TNFSF4: variants seen among roughly 807,000 people sequenced by gnomAD.
TNFSF4 encodes tumor necrosis factor ligand superfamily member 4.
In TNFSF4, 4 loss-of-function variants were observed where a neutral mutation model predicts 7.3. The observed-to-expected ratio is 0.55, with a 90% CI of 0.27 to 1.25. TNFSF4 has a LOEUF of 1.25. Ranked by LOEUF, TNFSF4 falls within the 50% of genes most tolerant of loss-of-function variation. The pLI is 0.12. For missense variants in TNFSF4, 181 were observed against 208.8 expected (o/e 0.87, Z 0.82); for synonymous variants, 76 against 83.7 (o/e 0.91, Z 0.50).
chr1:173,248,099 T>A, the TNFSF4 span, among the ~76,000 whole-genome samples: 1 of 152,094 alleles, frequency 6.6e-6, no homozygotes, highest in Non-Finnish European at 1.5e-5. Flanking sequence ...CTCGCACCTG[T>A]AATCCCAGCA....
At chr1:173,205,191 C>A (rs965153097) in intron 1 of TNFSF4, 5 of 1,210,094 alleles carry the variant, frequency 4.1e-6, no homozygotes, top group Non-Finnish European at 4.6e-6. Context: ...AAAAAGAAAT[C>A]TATTTTCAGA....
downstream of TNFSF4, among the ~76,000 whole-genome samples, chr1:173,183,079 C>T (rs1351450952): frequency 1.3e-5 from 2 of 152,140 alleles, no homozygotes; most frequent in Non-Finnish European, 1.5e-5. Context: ...ACAGATGAAA[C>T]ACAGACATAG....
At chr1:173,303,461 C>T in the TNFSF4 span, among the ~76,000 whole-genome samples, 1 of 151,776 alleles carries the variant, frequency 6.6e-6, no homozygotes, top group Non-Finnish European at 1.5e-5. Flanking sequence ...CTGCTCTTTC[C>T]GTAGTTAGAA....
chr1:173,299,625 C>T, the TNFSF4 span, among the ~76,000 whole-genome samples: 100 of 151,842 alleles, frequency 6.6e-4, no homozygotes, highest in Non-Finnish European at 1.2e-3. Context: ...CTCATAAGTG[C>T]TTTTTGTATT....
intron 1 of TNFSF4, among the ~76,000 whole-genome samples, chr1:173,192,009 T>A (rs1313421051): frequency 6.6e-6 from 1 of 152,158 alleles, no homozygotes; most frequent in African/African-American, 2.4e-5. Context: ...AAAGCCTGTC[T>A]CTACAAAAAA....
the TNFSF4 span, among the ~76,000 whole-genome samples, chr1:173,318,570 C>T: frequency 2.0e-5 from 3 of 152,102 alleles, no homozygotes; most frequent in Admixed American, 2.0e-4. Context: ...ATTTCAACCT[C>T]ATCAATATTT....
At chr1:173,254,355 G>GA in the TNFSF4 span, among the ~76,000 whole-genome samples, 2 of 151,964 alleles carry the variant, frequency 1.3e-5, no homozygotes, top group African/African-American at 2.4e-5. Context: ...AAATAGTAGG[G>GA]AAAAAAATGG....
chr1:173,409,237 C>T, the TNFSF4 span, among the ~76,000 whole-genome samples: 1 of 152,166 alleles, frequency 6.6e-6, no homozygotes. Context: ...GACTGAGGAA[C>T]TCCCCTACTC....
chr1:173,286,946 A>T, the TNFSF4 span, among the ~76,000 whole-genome samples: 1 of 152,128 alleles, frequency 6.6e-6, no homozygotes, highest in Admixed American at 6.5e-5. Context: ...GTCATTTAAT[A>T]AAAAAAGACA....
chr1:173,252,253 TAA>T, the TNFSF4 span, among the ~76,000 whole-genome samples: 3 of 152,010 alleles, frequency 2.0e-5, no homozygotes, highest in Admixed American at 6.6e-5. Flanking sequence ...AGGGAAAAAA[TAA>T]AGTCTTCCAG....
At chr1:173,431,177 CTT>C in the TNFSF4 span, among the ~76,000 whole-genome samples, 1 of 152,114 alleles carries the variant, frequency 6.6e-6, no homozygotes, top group African/African-American at 2.4e-5. Flanking sequence ...CTGTAGTTGT[CTT>C]TGGTTTTCTT....
the TNFSF4 span, chr1:173,363,122 T>TAAA: frequency 2.9e-6 from 1 of 340,340 alleles, no homozygotes; most frequent in Non-Finnish European, 5.9e-6. Flanking sequence ...TACCAACTCT[T>TAAA]ACATTTTTCT....
At chr1:173,433,384 A>C in the TNFSF4 span, among the ~76,000 whole-genome samples, 1 of 152,106 alleles carries the variant, frequency 6.6e-6, no homozygotes, top group Admixed American at 6.5e-5. Flanking sequence ...TAAATAAGTA[A>C]ACAAACATCT....
the TNFSF4 span, among the ~76,000 whole-genome samples, chr1:173,282,667 C>T: frequency 1.3e-5 from 2 of 152,076 alleles, no homozygotes; most frequent in African/African-American, 4.8e-5. Context: ...CCATGGTGGT[C>T]AGGCTGATCT....
the TNFSF4 span, among the ~76,000 whole-genome samples, chr1:173,324,115 AG>A: frequency 6.6e-6 from 1 of 152,236 alleles, no homozygotes; most frequent in South Asian, 2.1e-4. Flanking sequence ...CCAGACAGAA[AG>A]GTCGGGTTAC....
the TNFSF4 span, among the ~76,000 whole-genome samples, chr1:173,354,155 G>A: frequency 2.0e-5 from 3 of 151,552 alleles, no homozygotes; most frequent in African/African-American, 7.3e-5. Flanking sequence ...AATAATAAGG[G>A]GAATATTACC....
chr1:173,358,015 G>A, the TNFSF4 span, among the ~76,000 whole-genome samples: 1 of 147,544 alleles, frequency 6.8e-6, no homozygotes, highest in Non-Finnish European at 1.5e-5. Flanking sequence ...AAAGGAATCT[G>A]CAAACATGAT....
chr1:173,205,776 C>T (rs999518185), intron 1 of TNFSF4: 3 of 168,772 alleles, frequency 1.8e-5, no homozygotes, highest in Non-Finnish European at 3.6e-5. Context: ...ACCCTCTCCC[C>T]GAGTCGCCTA....
chr1:173,288,964 A>G, the TNFSF4 span, among the ~76,000 whole-genome samples: 1 of 151,944 alleles, frequency 6.6e-6, no homozygotes, highest in Admixed American at 6.6e-5. Context: ...AAACTAAGAG[A>G]CCCCTATGCC....
Sources: allele counts gnomAD v4.1 joint callset (sites outside exome capture counted in the v4.1 genomes callset), GRCh38; gene constraint gnomAD v4.1.1; transcripts MANE v1.5; gene names NCBI Gene and HGNC (gene_info 2026-07-23, HGNC 2026-07-21).